OTUD7A: variants seen among roughly 807,000 people sequenced by gnomAD.
OTUD7A encodes OTU domain-containing protein 7A.
OTUD7A carries 12 observed loss-of-function variants against 65.7 expected under a neutral mutation model. The ratio of observed to expected loss-of-function variants is 0.18; its 90% CI spans 0.12 to 0.30. OTUD7A has a LOEUF of 0.30. Among genes scored for constraint, OTUD7A ranks in the 10% least tolerant of loss-of-function variants. The pLI, the probability that OTUD7A is intolerant of heterozygous loss-of-function variation, is 1.00. For synonymous variants in OTUD7A, 641 were observed against 586.3 expected (o/e 1.09, Z -1.35); for missense variants, 1,148 against 1,304.8 (o/e 0.88, Z 1.85).
At chr15:31,760,754 A>G (rs1894939234) in intron 1 of OTUD7A, among the ~76,000 whole-genome samples, 1 of 152,212 alleles carries the variant, frequency 6.6e-6, no homozygotes, top group African/African-American at 2.4e-5. Flanking sequence ...AGCCAGGATA[A>G]TCTCGAAAAA....
intron 1 of OTUD7A, among the ~76,000 whole-genome samples, chr15:31,710,853 C>A (rs1296777630): frequency 1.3e-5 from 2 of 152,104 alleles, no homozygotes; most frequent in Non-Finnish European, 2.9e-5. Context: ...GCATCTGGGG[C>A]CCCCAGGCCA....
intron 3 of OTUD7A, among the ~76,000 whole-genome samples, chr15:31,631,138 A>C (rs371770119): frequency 2.6e-5 from 4 of 152,276 alleles, no homozygotes; most frequent in Admixed American, 1.3e-4. Context: ...TTATGATGTT[A>C]GCTGGTTATT....
chr15:31,726,773 T>C (rs148080946), intron 1 of OTUD7A, among the ~76,000 whole-genome samples: 424 of 152,332 alleles, frequency 2.8e-3, no homozygotes, highest in South Asian at 5.4e-3. Flanking sequence ...TTTCTCAATG[T>C]TAGAAGTGAC....
chr15:31,771,338 T>C (rs1470695696), intron 1 of OTUD7A, among the ~76,000 whole-genome samples: 1 of 152,172 alleles, frequency 6.6e-6, no homozygotes, highest in African/African-American at 2.4e-5. Flanking sequence ...TCAAACTTAA[T>C]ATGCCAGATA....
chr15:31,656,282 A>G (rs913805215), intron 2 of OTUD7A, among the ~76,000 whole-genome samples: 4 of 152,232 alleles, frequency 2.6e-5, no homozygotes, highest in Non-Finnish European at 4.4e-5. Context: ...TGGGTGCTCA[A>G]TCTTTGCCGG....
chr15:31,501,593 G>GT, intron 10 of OTUD7A, 97 bp downstream of exon 10: 1 of 1,504,878 alleles, frequency 6.6e-7, no homozygotes, highest in Non-Finnish European at 9.1e-7. Context: ...CTAAGGGGGG[G>GT]TCTCCACAAT....
At chr15:31,802,129 G>A (rs1218766917) in intron 1 of OTUD7A, among the ~76,000 whole-genome samples, 8 of 135,380 alleles carry the variant, frequency 5.9e-5, no homozygotes, top group African/African-American at 2.2e-4. Flanking sequence ...GTGTGTGTGT[G>A]TGTGTGTGTG....
At chr15:31,793,103 C>T (rs189771972) in intron 1 of OTUD7A, among the ~76,000 whole-genome samples, 57 of 152,310 alleles carry the variant, frequency 3.7e-4, no homozygotes, top group Middle Eastern at 3.4e-3. Flanking sequence ...GGAGACTGTG[C>T]GGCTGTGCTT....
intron 1 of OTUD7A, among the ~76,000 whole-genome samples, chr15:31,830,465 G>A (rs565170279): frequency 6.6e-6 from 1 of 152,336 alleles, no homozygotes; most frequent in Admixed American, 6.5e-5. Context: ...GAGGGGTACT[G>A]TCTTCATTTT....
intron 3 of OTUD7A, among the ~76,000 whole-genome samples, chr15:31,618,379 G>C (rs947133412): frequency 1.3e-5 from 2 of 152,318 alleles, no homozygotes; most frequent in East Asian, 1.9e-4. Flanking sequence ...GGTTGAACTA[G>C]TTTACAGTCC....
At chr15:31,504,966 A>G (rs2041537481) in intron 8 of OTUD7A, among the ~76,000 whole-genome samples, 1 of 151,958 alleles carries the variant, frequency 6.6e-6, no homozygotes, top group South Asian at 2.1e-4. Context: ...TCTCAGCTCA[A>G]TGCAACCTGC....
chr15:31,538,466 T>C (rs185016757), intron 5 of OTUD7A, among the ~76,000 whole-genome samples: 274 of 152,250 alleles, frequency 1.8e-3, no homozygotes, highest in African/African-American at 6.5e-3. Context: ...TCAGGGGATG[T>C]TATTCCCATT....
Position 31,582,686 on chromosome 15 carries a change from A to G in OTUD7A, c.152-12489T>C, listed in dbSNP as rs1321775445. On this transcript the variant is annotated intron_variant, in intron 3 of 12. Coordinates refer to ENST00000307050, the MANE Select transcript of OTUD7A (RefSeq NM_001382637.1). ...GAACAGTATGGGGAAAACTGCCCTC[A>G]TGATTCAATTATCTCCACCTGGCCC... Among the ~76,000 whole-genome samples the G allele has an allele frequency of 4.6e-5, 7 of 152,310 alleles. No individual in the cohort carries two copies. In the South Asian group the frequency reaches 6.2e-4, roughly 14 times the overall value.
chr15:31,485,765 G>A (rs1298644814), intron 12 of OTUD7A, among the ~76,000 whole-genome samples: 4 of 152,204 alleles, frequency 2.6e-5, no homozygotes, highest in South Asian at 2.1e-4. Flanking sequence ...CAGGGGATGA[G>A]CCTGGGAGAA....
At chr15:31,735,575 G>T (rs1894166860) in intron 1 of OTUD7A, among the ~76,000 whole-genome samples, 1 of 151,890 alleles carries the variant, frequency 6.6e-6, no homozygotes, top group African/African-American at 2.4e-5. Flanking sequence ...TGTTGGCAAG[G>T]TTGTGGAGAA....
intron 1 of OTUD7A, among the ~76,000 whole-genome samples, chr15:31,729,588 G>A (rs1459527378): frequency 1.3e-5 from 2 of 152,110 alleles, no homozygotes; most frequent in African/African-American, 2.4e-5. Flanking sequence ...GGCATTCCAT[G>A]TGGTACCTGG....
At chr15:31,865,382 A>T (rs1204430249) in intron 1 of OTUD7A, among the ~76,000 whole-genome samples, 1 of 152,184 alleles carries the variant, frequency 6.6e-6, no homozygotes, top group African/African-American at 2.4e-5. Context: ...ATAAAAGGGT[A>T]TTGCATGGAC....
chr15:31,848,011 T>C (rs572168895), intron 1 of OTUD7A, among the ~76,000 whole-genome samples: 1 of 152,250 alleles, frequency 6.6e-6, no homozygotes, highest in Admixed American at 6.5e-5. Flanking sequence ...ACCTTCAACA[T>C]GTGCAGATTA....
chr15:31,834,978 G>A (rs534558059), intron 1 of OTUD7A, among the ~76,000 whole-genome samples: 20 of 152,202 alleles, frequency 1.3e-4, no homozygotes, highest in Non-Finnish European at 2.5e-4. Flanking sequence ...CTATTATGGG[G>A]AGGGGTGTAA....
Sources: gnomAD v4.1 joint callset for allele counts (sites outside exome capture counted in the v4.1 genomes callset) on GRCh38, gnomAD v4.1.1 for gene constraint, MANE v1.5 for transcripts, NCBI Gene and HGNC (gene_info 2026-07-23, HGNC 2026-07-21) for gene names.